The following IQCH variants were observed in gnomAD, a reference collection of about 807,000 sequenced individuals.
The protein encoded by IQCH is IQ motif containing H.
Under a neutral mutation model 117.0 loss-of-function variants are expected in IQCH, and 98 were observed. That is an observed-to-expected ratio of 0.84 (90% CI 0.71 to 0.99). The LOEUF is 0.99. Among genes scored for constraint, IQCH ranks in the 50% least tolerant of loss-of-function variants. The pLI is 0.00. For synonymous variants in IQCH, 412 were observed against 448.2 expected (o/e 0.92, Z 1.02); for missense variants, 1,102 against 1,243.8 (o/e 0.89, Z 1.72).
At chr15:67,373,048 T>G (rs1970607100) in intron 9 of IQCH, among the ~76,000 whole-genome samples, 1 of 152,234 alleles carries the variant, frequency 6.6e-6, no homozygotes, top group Non-Finnish European at 1.5e-5. Context: ...TTGTCTACAT[T>G]GCTGTCACCA....
At chr15:67,293,091 G>T (rs1042338235) in intron 4 of IQCH, among the ~76,000 whole-genome samples, 2 of 152,140 alleles carry the variant, frequency 1.3e-5, no homozygotes, top group Non-Finnish European at 2.9e-5. Context: ...ACCTCTCCAT[G>T]CCTCAATTCC....
chr15:67,387,184 C>T lies in IQCH; in HGVS notation c.1457-1647C>T, dbSNP rs1971134596. On this transcript the variant is annotated intron_variant, in intron 11 of 20. Transcript: ENST00000335894. The surrounding 1 kb of genome is among the most constrained non-coding windows in gnomAD (Gnocchi z 4.8). The stretch of plus-strand genomic sequence containing the variant: ...ATGCAAGTTATTTACTTACTGCCTC[C>T]TCAGTTAATTTATTTTGAGGTTTAT... Among the ~76,000 whole-genome samples the T allele has an allele frequency of 6.6e-6, 1 of 152,138 alleles. No homozygotes were observed. Among genetic ancestry groups the T allele is most frequent in the Non-Finnish European group, 1.5e-5 (1 of 68,020 alleles).
chr15:67,440,021 A>G (rs2082229868), intron 16 of IQCH, among the ~76,000 whole-genome samples: 1 of 152,176 alleles, frequency 6.6e-6, no homozygotes, highest in African/African-American at 2.4e-5. Context: ...CCTCACTAAG[A>G]AACGAAACAG....
At chr15:67,344,333 CCA>C (rs1969295656) in intron 6 of IQCH, 142 bp downstream of exon 6, 3 of 591,310 alleles carry the variant, frequency 5.1e-6, no homozygotes. Context: ...CACTACATTC[CCA>C]CAGTCAGCTA....
chr15:67,358,529 G>A (rs1252002045), intron 7 of IQCH, among the ~76,000 whole-genome samples: 2 of 152,024 alleles, frequency 1.3e-5, no homozygotes, highest in Non-Finnish European at 2.9e-5. Flanking sequence ...ACTCCTCACA[G>A]TACAATGTAA....
chr15:67,372,594 A>C lies in IQCH; in HGVS notation c.1237A>C (p.Thr413Pro), dbSNP rs1305066769. 1 of 1,613,872 alleles carries C rather than the reference A, an allele frequency of 6.2e-7. No homozygotes were observed. The change falls in exon 9 of 21, where the codon ACT becomes CCT. Residue 413 changes from threonine to proline, a missense_variant. Coordinates refer to ENST00000335894, the MANE Select transcript of IQCH (RefSeq NM_001031715.3). Reference protein sequence around the residue: ...AIAWLLYCHKTRLKKILKESR... With the variant: ...AIAWLLYCHKPRLKKILKESR... The stretch of plus-strand genomic sequence containing the variant: ...TGCTTGGCTGTTATATTGCCATAAG[A>C]CTCGACTAAAGAAGATACTAAAGGA...
At chr15:67,372,789 C>T (rs1970594499) in intron 9 of IQCH, 127 bp downstream of exon 9, 7 of 719,948 alleles carry the variant, frequency 9.7e-6, no homozygotes, top group South Asian at 1.9e-5. Context: ...CAGACTCCCA[C>T]GCCTTTCACT....
chr15:67,419,267 A>G (rs979170516), intron 15 of IQCH, among the ~76,000 whole-genome samples: 1 of 152,180 alleles, frequency 6.6e-6, no homozygotes, highest in Non-Finnish European at 1.5e-5. Flanking sequence ...AGATCCTACA[A>G]TTTTAGTACA....
In IQCH at chr15:67,395,214, T is replaced by C; in HGVS notation, c.1633-77T>C. ...CCTGCTATTAATAATGTATTTATTATGTGCAACATTATAAATTAGGTGTAT... is the reference window on the plus strand; with the variant it reads ...CCTGCTATTAATAATGTATTTATTACGTGCAACATTATAAATTAGGTGTAT... On this transcript the variant is annotated intron_variant, in intron 12 of 20. Transcript: ENST00000335894. This position sits in a 1 kb window ranked among gnomAD's most constrained non-coding sequence, Gnocchi z 4.0. 7.1e-7 allele frequency: 1 copy of C among 1,405,270 alleles called. No individual in the cohort carries two copies. Among genetic ancestry groups the C allele is most frequent in the Non-Finnish European group, 9.7e-7 (1 of 1,029,378 alleles). 87.1% of individuals were successfully genotyped at this position (1,405,270 alleles called of 1,614,324 possible).
rs1750552988 is a variant in IQCH, at chr15:67,417,226, T to A, written c.2218+175T>A. ...AAATATTTATCTTACACCCAGCCTC[T>A]TAAGTAAATAAGAACCTAGCATGCC... On this transcript the variant is annotated intron_variant, in intron 15 of 20. Coordinates refer to ENST00000335894, the MANE Select transcript of IQCH (RefSeq NM_001031715.3). The surrounding 1 kb of genome is among the most constrained non-coding windows in gnomAD (Gnocchi z 4.3). Among the ~76,000 whole-genome samples the A allele has an allele frequency of 6.6e-6, 1 of 152,190 alleles. No individual in the cohort carries two copies.
chr15:67,301,401 G>GTTT (rs10663973), intron 4 of IQCH, among the ~76,000 whole-genome samples: 783 of 75,362 alleles, frequency 0.01, 126 homozygotes, highest in African/African-American at 0.019. Flanking sequence ...GTTATGTTAA[G>GTTT]TTTTTTTTTT....
intron 4 of IQCH, among the ~76,000 whole-genome samples, chr15:67,298,075 G>T (rs112227475): frequency 6.6e-6 from 1 of 152,114 alleles, no homozygotes; most frequent in Non-Finnish European, 1.5e-5. Context: ...TTGGGAGGCC[G>T]AGGCGGGTGG....
chr15:67,285,558 A>G (rs1456579309), intron 4 of IQCH, among the ~76,000 whole-genome samples: 3 of 151,924 alleles, frequency 2.0e-5, no homozygotes, highest in Non-Finnish European at 2.9e-5. Context: ...TTGCCTGGGT[A>G]TTCTTCTAGG....
chr15:67,500,063 A>G lies in IQCH; in HGVS notation c.2971-570A>G, dbSNP rs1239571026. On this transcript the variant is annotated intron_variant, in intron 20 of 20. Transcript: ENST00000335894. The surrounding 1 kb of genome is among the most constrained non-coding windows in gnomAD (Gnocchi z 4.4). ...ATAGTAGCGATGGTTACTTGCAAAT[A>G]TACTAAAAACCACTGAATTGTATAC... 6.6e-6 allele frequency among the ~76,000 whole-genome samples: 1 copy of G among 152,200 alleles called. No individual in the cohort carries two copies. The highest frequency in any genetic ancestry group is 1.5e-5 in the Non-Finnish European group (1 of 68,020).
intron 8 of IQCH, among the ~76,000 whole-genome samples, chr15:67,363,939 C>T (rs1471980359): frequency 2.6e-5 from 4 of 152,204 alleles, no homozygotes; most frequent in Non-Finnish European, 4.4e-5. Flanking sequence ...ACCACATTGT[C>T]TTTATCCAGT....
intron 16 of IQCH, among the ~76,000 whole-genome samples, chr15:67,451,120 CTTT>C (rs1365296769): frequency 4.6e-5 from 7 of 152,224 alleles, no homozygotes; most frequent in African/African-American, 4.8e-5. Flanking sequence ...CTCTCTTCTT[CTTT>C]ATTAGTCTTG....
At position 67,417,120 on chromosome 15, in the gene IQCH, CT is replaced by C; in HGVS notation, c.2218+70del. ...ACCTTGGATTCTAGTTTTGGGTCAA[CT>C]GGGGCCAATTTAAATACTTTGCATC... On this transcript the variant is annotated intron_variant, in intron 15 of 20. Transcript: ENST00000335894. The surrounding 1 kb of genome is among the most constrained non-coding windows in gnomAD (Gnocchi z 4.3). The C allele has an allele frequency of 7.3e-7, 1 of 1,368,892 alleles. No individual in the cohort carries two copies. The highest frequency in any genetic ancestry group is 9.8e-7 in the Non-Finnish European group (1 of 1,019,346). The allele number at this position is 1,368,892 out of a possible 1,614,324, so 84.8% of individuals were successfully genotyped here.
At chr15:67,323,342 A>G (rs1438031795) in intron 4 of IQCH, among the ~76,000 whole-genome samples, 1 of 142,402 alleles carries the variant, frequency 7.0e-6, no homozygotes, top group Non-Finnish European at 1.5e-5. Context: ...TCCCAGGTTC[A>G]CGCCATTCTC....
In IQCH at chr15:67,491,234, C is replaced by A. The variant is rs1273732362; in HGVS notation, c.2861+1170C>A. Among the ~76,000 whole-genome samples, 1 of 152,070 alleles carries A rather than the reference C, an allele frequency of 6.6e-6. No homozygotes were observed. Among genetic ancestry groups the A allele is most frequent in the African/African-American group, 2.4e-5 (1 of 41,410 alleles). On this transcript the variant is annotated intron_variant, in intron 19 of 20. Coordinates refer to ENST00000335894, the MANE Select transcript of IQCH (RefSeq NM_001031715.3). The surrounding 1 kb of genome is among the most constrained non-coding windows in gnomAD (Gnocchi z 4.9). ...CTACACCCTACTATGGTCAGTCTCC[C>A]GGAAACTGATCCAAAGAGGTGCACA...
Sources: allele counts gnomAD v4.1 joint callset (sites outside exome capture counted in the v4.1 genomes callset), GRCh38; gene constraint gnomAD v4.1.1; non-coding constraint Gnocchi (gnomAD v3.1); transcripts MANE v1.5; gene names NCBI Gene and HGNC (gene_info 2026-07-23, HGNC 2026-07-21).